The following HELLS variants were observed in gnomAD, a reference collection of about 807,000 sequenced individuals.
The protein encoded by HELLS is helicase, lymphoid specific.
HELLS carries 32 observed loss-of-function variants against 120.0 expected under a neutral mutation model. The ratio of observed to expected loss-of-function variants is 0.27; its 90% confidence interval spans 0.20 to 0.36. HELLS has a LOEUF of 0.36. HELLS is among the 10% of genes least tolerant of loss of function. The pLI is 1.00. For missense variants in HELLS, 650 were observed against 993.4 expected (o/e 0.65, Z 4.65); for synonymous variants, 341 against 323.4 (o/e 1.05, Z -0.58).
intron 3 of HELLS, among the ~76,000 whole-genome samples, chr10:94,555,579 C>G (rs1843215605): frequency 6.6e-6 from 1 of 152,192 alleles, no homozygotes; most frequent in Non-Finnish European, 1.5e-5. Flanking sequence ...ATACCTTGTT[C>G]TATACATCTC....
downstream of HELLS, among the ~76,000 whole-genome samples, chr10:94,605,293 C>T (rs556973987): frequency 1.5e-3 from 235 of 152,008 alleles, 2 homozygotes; most frequent in Admixed American, 5.7e-3. Flanking sequence ...ATGTTGGCCA[C>T]GCTGGTCTCG....
chr10:94,557,221 C>T (rs1211534590), intron 3 of HELLS: 9 of 411,774 alleles, frequency 2.2e-5, no homozygotes, highest in Middle Eastern at 3.4e-4. Flanking sequence ...TGAGAGAATA[C>T]AGTAAGTCCC....
At chr10:94,553,213 C>T (rs553639343) in intron 2 of HELLS, among the ~76,000 whole-genome samples, 9 of 151,908 alleles carry the variant, frequency 5.9e-5, no homozygotes, top group South Asian at 2.1e-4. Context: ...TATAATAACA[C>T]GGAACCACAA....
intron 19 of HELLS, among the ~76,000 whole-genome samples, chr10:94,596,124 T>C (rs1456306492): frequency 6.6e-6 from 1 of 152,142 alleles, no homozygotes; most frequent in Non-Finnish European, 1.5e-5. Context: ...CTCAGCCCTA[T>C]TTTCGATTTT....
chr10:94,592,277 C>A lies in HELLS; in HGVS notation c.1816C>A (p.Arg606=). ...TTCTGGGAAGTTCTTGATTTTGGATCGAATGCTGCCAGAACTAAAAAAAAG... is the reference window on the plus strand; with the variant it reads ...TTCTGGGAAGTTCTTGATTTTGGATAGAATGCTGCCAGAACTAAAAAAAAG... The part of the protein sequence containing the change: ...TNSGKFLILD[R]MLPELKKRGH... The change falls in exon 16 of 22, where the codon CGA becomes AGA. Residue 606 remains arginine (R), a synonymous_variant. Coordinates refer to ENST00000348459, the MANE Select transcript of HELLS (RefSeq NM_018063.5). 1 of 1,611,670 alleles carries A rather than the reference C, an allele frequency of 6.2e-7. No individual in the cohort carries two copies. The highest frequency in any genetic ancestry group is 8.5e-7 in the Non-Finnish European group (1 of 1,178,846).
rs146662132 is a variant in HELLS, at chr10:94,601,450, C to T, written c.2423-78C>T. The T allele has an allele frequency of 8.0e-4, 632 of 788,238 alleles. 4 individuals carry two copies. The African/African-American group carries it at 0.01, about 13-fold the overall frequency. 48.8% of individuals were successfully genotyped at this position (788,238 alleles called of 1,614,324 possible). On this transcript the variant is annotated intron_variant, in intron 21 of 21. Coordinates refer to ENST00000348459, the MANE Select transcript of HELLS (RefSeq NM_018063.5). Reference sequence around the variant, plus strand: ...TGGACAGATGACTCACTTCTCATAACATCATATTGGATGTTTCTTTTACGA... The same window carrying T: ...TGGACAGATGACTCACTTCTCATAATATCATATTGGATGTTTCTTTTACGA...
downstream of HELLS, among the ~76,000 whole-genome samples, chr10:94,606,350 T>A (rs1203461244): frequency 3.3e-5 from 5 of 152,054 alleles, no homozygotes; most frequent in Non-Finnish European, 5.9e-5. Flanking sequence ...GCCTAGAATT[T>A]TTTTGTTTGA....
chr10:94,567,417 G>T (rs915155612), intron 6 of HELLS, among the ~76,000 whole-genome samples: 1 of 152,034 alleles, frequency 6.6e-6, no homozygotes, highest in Non-Finnish European at 1.5e-5. Flanking sequence ...TCCTGCCTCA[G>T]CCTTCCGAGT....
At chr10:94,577,671 A>G (rs949846270) in intron 10 of HELLS, 4 of 152,336 alleles carry the variant, frequency 2.6e-5, no homozygotes, top group Admixed American at 2.0e-4. Flanking sequence ...TTATGCCAGT[A>G]ATTCCAGCAC....
intron 12 of HELLS, among the ~76,000 whole-genome samples, chr10:94,585,565 G>A (rs1294085617): frequency 6.6e-6 from 1 of 151,582 alleles, no homozygotes; most frequent in African/African-American, 2.4e-5. Flanking sequence ...TGTATTTTTA[G>A]TGGAGACGAG....
intron 21 of HELLS, among the ~76,000 whole-genome samples, chr10:94,598,002 T>TGC (rs1469863393): frequency 2.7e-5 from 4 of 150,026 alleles, no homozygotes; most frequent in African/African-American, 7.5e-5. Flanking sequence ...GATATATTGC[T>TGC]TCTTTTTTTT....
At chr10:94,596,794 T>C in intron 19 of HELLS, 66 bp from the exon 20 acceptor site, 1 of 820,500 alleles carries the variant, frequency 1.2e-6, no homozygotes, top group Non-Finnish European at 2.0e-6. Flanking sequence ...TTGTGATTGG[T>C]TTGTAATATG....
At chr10:94,555,720 C>T (rs546071362) in intron 3 of HELLS, among the ~76,000 whole-genome samples, 1 of 152,150 alleles carries the variant, frequency 6.6e-6, no homozygotes, top group Non-Finnish European at 1.5e-5. Context: ...CCTCTGACTC[C>T]TGGGTTCAAG....
chr10:94,566,568 A>G (rs953521474), intron 6 of HELLS, among the ~76,000 whole-genome samples: 1 of 152,180 alleles, frequency 6.6e-6, no homozygotes, highest in Non-Finnish European at 1.5e-5. Context: ...AAAGATTTTA[A>G]GCAAATTTCC....
downstream of HELLS, among the ~76,000 whole-genome samples, chr10:94,606,185 T>A (rs1040092556): frequency 6.6e-6 from 1 of 151,884 alleles, no homozygotes. Flanking sequence ...ACTACACTCA[T>A]GTGACACCAT....
intron 21 of HELLS, among the ~76,000 whole-genome samples, chr10:94,601,013 C>G (rs1846009995): frequency 6.6e-6 from 1 of 151,976 alleles, no homozygotes; most frequent in Non-Finnish European, 1.5e-5. Context: ...GATGAACAGA[C>G]AAGGATGATT....
At chr10:94,547,799 G>A (rs556367869) in intron 2 of HELLS, among the ~76,000 whole-genome samples, 1 of 152,196 alleles carries the variant, frequency 6.6e-6, no homozygotes, top group Non-Finnish European at 1.5e-5. Flanking sequence ...TAACATTCCA[G>A]TGTAGGCCAT....
chr10:94,568,827 G>A (rs912263531), intron 6 of HELLS, among the ~76,000 whole-genome samples: 1 of 149,746 alleles, frequency 6.7e-6, no homozygotes, highest in Admixed American at 6.7e-5. Context: ...ATAGTAAATT[G>A]AATGTCCACC....
At chr10:94,600,364 A>G (rs1006306926) in intron 21 of HELLS, among the ~76,000 whole-genome samples, 2 of 152,124 alleles carry the variant, frequency 1.3e-5, no homozygotes, top group African/African-American at 4.8e-5. Context: ...ATGAGAGAGT[A>G]ATAAAGGGCC....
Sources: allele counts gnomAD v4.1 joint callset (sites outside exome capture counted in the v4.1 genomes callset), GRCh38; gene constraint gnomAD v4.1.1; transcripts MANE v1.5; gene names NCBI Gene and HGNC (gene_info 2026-07-23, HGNC 2026-07-21).